Variants in STK3 observed in about 807,000 individuals in gnomAD.
STK3 encodes serine/threonine kinase 3.
In STK3, 41 loss-of-function variants were observed where a neutral mutation model predicts 58.0. The observed-to-expected ratio is 0.71, with a 90% CI of 0.55 to 0.92. The LOEUF (loss-of-function observed/expected upper bound fraction) is 0.92. Among genes scored for constraint, STK3 ranks in the 40% least tolerant of loss-of-function variants. The pLI is 0.00. For synonymous variants in STK3, 170 were observed against 191.0 expected (o/e 0.89, Z 0.91); for missense variants, 479 against 602.7 (o/e 0.79, Z 2.15).
chr8:98,360,402 A>T, the STK3 span, among the ~76,000 whole-genome samples: 1 of 152,146 alleles, frequency 6.6e-6, no homozygotes, highest in Non-Finnish European at 1.5e-5. Context: ...CTGTGTCTCC[A>T]TGCCTAGTCC....
chr8:98,619,797 A>G (rs1292981342), intron 6 of STK3, among the ~76,000 whole-genome samples: 16 of 139,820 alleles, frequency 1.1e-4, no homozygotes, highest in African/African-American at 4.4e-4. Flanking sequence ...AATGGCAATC[A>G]TTAAAAAGTC....
At chr8:98,807,666 G>C (rs2442015) in intron 1 of STK3, among the ~76,000 whole-genome samples, 106,158 of 152,000 alleles carry the variant, frequency 0.7, 37,198 homozygotes, top group South Asian at 0.78. Context: ...GAAGCCATTA[G>C]AGTAGATAAA....
At chr8:98,693,910 T>G (rs1317573038) in intron 6 of STK3, among the ~76,000 whole-genome samples, 1 of 152,234 alleles carries the variant, frequency 6.6e-6, no homozygotes, top group Non-Finnish European at 1.5e-5. Flanking sequence ...GTTGGGTTTT[T>G]TTAAATATTA....
intron 10 of STK3, among the ~76,000 whole-genome samples, chr8:98,478,239 T>C (rs1278382005): frequency 6.6e-6 from 1 of 152,148 alleles, no homozygotes; most frequent in Non-Finnish European, 1.5e-5. Context: ...CACAAGGTGA[T>C]CCCTATGTAT....
At chr8:98,432,604 A>G (rs1818352695) in intron 3 of STK3, 1 of 167,142 alleles carries the variant, frequency 6.0e-6, no homozygotes, top group Non-Finnish European at 1.5e-5. Context: ...CACTCAAATA[A>G]TTGAACTACC....
rs562114544 is a variant in STK3, at chr8:98,599,037, T to A, written c.685-2868A>T. 8.8e-4 allele frequency: 288 copies of A among 325,968 alleles called. 1 individual carries two copies. The highest frequency in any genetic ancestry group is 3.9e-3 in the South Asian group (32 of 8,292). 20.2% of individuals were successfully genotyped at this position (325,968 alleles called of 1,614,324 possible). On this transcript the variant is annotated intron_variant, in intron 6 of 10. Coordinates refer to ENST00000419617, the MANE Select transcript of STK3 (RefSeq NM_006281.4). The stretch of plus-strand genomic sequence containing the variant: ...AACTTTATAATCTCAGTGGAATGAG[T>A]CAACACATGTCTGACTCTACAGCAG...
At chr8:98,611,169 G>A (rs1817163668) in intron 6 of STK3, among the ~76,000 whole-genome samples, 1 of 151,984 alleles carries the variant, frequency 6.6e-6, no homozygotes. Context: ...GCAAGAATAT[G>A]ATGCAATAAG....
At chr8:98,654,966 C>T (rs1821350938) in intron 6 of STK3, among the ~76,000 whole-genome samples, 1 of 151,426 alleles carries the variant, frequency 6.6e-6, no homozygotes, top group Non-Finnish European at 1.5e-5. Flanking sequence ...ACTTTCTTCA[C>T]AGAATTGGAA....
At chr8:98,783,126 A>G (rs1431580721) in intron 1 of STK3, among the ~76,000 whole-genome samples, 6 of 152,200 alleles carry the variant, frequency 3.9e-5, no homozygotes, top group Non-Finnish European at 7.3e-5. Flanking sequence ...ACATATAGGC[A>G]TATCTCAGAG....
chr8:98,560,124 C>T (rs1811894478), intron 8 of STK3, among the ~76,000 whole-genome samples: 1 of 151,994 alleles, frequency 6.6e-6, no homozygotes, highest in African/African-American at 2.4e-5. Flanking sequence ...CTTCCATATC[C>T]ATATTTATAA....
At chr8:98,861,499 C>A (rs1428258888) in intron 3 of STK3, among the ~76,000 whole-genome samples, 1 of 151,940 alleles carries the variant, frequency 6.6e-6, no homozygotes, top group Non-Finnish European at 1.5e-5. Context: ...AGGCGCACGC[C>A]ACCATGCCCG....
chr8:98,719,369 T>C (rs990054109), intron 4 of STK3, among the ~76,000 whole-genome samples: 1 of 152,186 alleles, frequency 6.6e-6, no homozygotes, highest in Non-Finnish European at 1.5e-5. Context: ...AATAAGTCAC[T>C]AATTTTCTAT....
At chr8:98,675,316 AAAT>A (rs1823748912) in intron 6 of STK3, among the ~76,000 whole-genome samples, 1 of 152,258 alleles carries the variant, frequency 6.6e-6, no homozygotes, top group Admixed American at 6.5e-5. Flanking sequence ...ATCTTTAAAC[AAAT>A]AAGTCAGCTA....
At chr8:98,368,572 A>T (rs538264818), downstream of STK3, among the ~76,000 whole-genome samples, 13 of 152,352 alleles carry the variant, frequency 8.5e-5, no homozygotes, top group African/African-American at 3.1e-4. Context: ...ACCTCCATGG[A>T]CATGTCCAGG....
At position 98,455,705 on chromosome 8, in the gene STK3, G is replaced by T; in HGVS notation, c.*137C>A. The T allele has an allele frequency of 2.0e-6, 2 of 998,518 alleles. No individual in the cohort carries two copies. The highest frequency in any genetic ancestry group is 2.9e-6 in the Non-Finnish European group (2 of 683,984). The allele number at this position is 998,518 out of a possible 1,614,324, so 61.9% of individuals were successfully genotyped here. On this transcript the variant is annotated 3_prime_UTR_variant, in exon 11 of 11. Coordinates refer to ENST00000419617, the MANE Select transcript of STK3 (RefSeq NM_006281.4). ...ATTCTGCCTTTTGGGAATTTACCTG[G>T]GCATGTACCATTGTCACTTTTTGAC...
the STK3 span, among the ~76,000 whole-genome samples, chr8:98,352,061 C>T: frequency 1.4e-5 from 2 of 143,968 alleles, no homozygotes; most frequent in Non-Finnish European, 3.0e-5. Flanking sequence ...GGTGTGAATC[C>T]GGGAGATGGA....
At chr8:98,823,156 A>C (rs893237717) in intron 1 of STK3, among the ~76,000 whole-genome samples, 2 of 152,220 alleles carry the variant, frequency 1.3e-5, no homozygotes, top group Non-Finnish European at 2.9e-5. Context: ...CCAACTTTTT[A>C]ATAGAAAATT....
intron 3 of STK3, among the ~76,000 whole-genome samples, chr8:98,751,891 G>A (rs1435645197): frequency 1.3e-5 from 2 of 152,084 alleles, no homozygotes; most frequent in Non-Finnish European, 2.9e-5. Context: ...AGTGAGCTGA[G>A]ATTGTGTCAC....
At chr8:98,554,845 T>C (rs139350534) in intron 8 of STK3, among the ~76,000 whole-genome samples, 112 of 152,274 alleles carry the variant, frequency 7.4e-4, no homozygotes, top group Middle Eastern at 6.8e-3. Context: ...TATTATAATT[T>C]CATTTGATAC....
Sources: allele counts gnomAD v4.1 joint callset (sites outside exome capture counted in the v4.1 genomes callset), GRCh38; gene constraint gnomAD v4.1.1; transcripts MANE v1.5; gene names NCBI Gene and HGNC (gene_info 2026-07-23, HGNC 2026-07-21).